DMD: variants seen among roughly 807,000 people sequenced by gnomAD.
DMD encodes the protein dystrophin, also known as mutant dystrophin.
DMD carries 63 observed loss-of-function variants against 330.1 expected under a neutral mutation model. The ratio of observed to expected loss-of-function variants is 0.19; its 90% confidence interval spans 0.16 to 0.24. The LOEUF is 0.24. Among genes scored for constraint, DMD ranks in the 10% least tolerant of loss-of-function variants. The probability of loss-of-function intolerance (pLI) is 1.00; values close to 1 mark genes in which losing one functional copy is unlikely to be tolerated. For synonymous variants in DMD, 1,223 were observed against 959.8 expected (o/e 1.27, Z -5.07); for missense variants, 3,344 against 2,684.1 (o/e 1.25, Z -5.43).
chrX:32,550,040 G>A (rs228384), intron 16 of DMD, among the ~76,000 whole-genome samples: 17,857 of 111,171 alleles, frequency 0.16, 1,307 homozygotes, highest in East Asian at 0.31. Flanking sequence ...TTGTACGAAC[G>A]CCGTGGAGTG....
intron 41 of DMD, among the ~76,000 whole-genome samples, chrX:32,315,277 T>C (rs2097579122): frequency 9.0e-6 from 1 of 110,915 alleles, no homozygotes; most frequent in Admixed American, 9.6e-5. Flanking sequence ...CTCAGCAAAC[T>C]AACACAGGAA....
intron 1 of DMD, among the ~76,000 whole-genome samples, chrX:33,108,782 C>G (rs1265134638): frequency 8.2e-5 from 8 of 98,123 alleles, no homozygotes; most frequent in East Asian, 3.5e-4. Flanking sequence ...AGGAGAATTG[C>G]TTGAACCTGG....
At chrX:32,852,457 G>A (rs762553914) in intron 2 of DMD, among the ~76,000 whole-genome samples, 1 of 111,266 alleles carries the variant, frequency 9.0e-6, no homozygotes, top group Non-Finnish European at 1.9e-5. Flanking sequence ...GTGGCCCAAT[G>A]CATTCCCAAG....
intron 62 of DMD, among the ~76,000 whole-genome samples, chrX:31,306,788 T>C (rs922607854): frequency 9.0e-6 from 1 of 111,667 alleles, no homozygotes; most frequent in Non-Finnish European, 1.9e-5. Context: ...CCACTCTTTA[T>C]AAAACTTGGT....
chrX:32,064,737 T>C (rs2096249317), intron 44 of DMD, among the ~76,000 whole-genome samples: 1 of 111,315 alleles, frequency 9.0e-6, no homozygotes, highest in Non-Finnish European at 1.9e-5. Flanking sequence ...AGTATATACA[T>C]TAGCTAACTA....
At chrX:31,256,381 T>A (rs776357050) in intron 63 of DMD, among the ~76,000 whole-genome samples, 6 of 111,910 alleles carry the variant, frequency 5.4e-5, no homozygotes, top group African/African-American at 1.9e-4. Context: ...ATTTCTTTAC[T>A]ATGTCTTGCT....
chrX:31,356,186 G>A (rs2058669991), intron 60 of DMD, among the ~76,000 whole-genome samples: 1 of 111,821 alleles, frequency 8.9e-6, no homozygotes, highest in Non-Finnish European at 1.9e-5. Flanking sequence ...ACTCTGAGTA[G>A]GAGCATAATT....
chrX:32,881,135 C>T (rs923013638), intron 2 of DMD, among the ~76,000 whole-genome samples: 6 of 112,091 alleles, frequency 5.4e-5, no homozygotes, highest in Non-Finnish European at 9.4e-5. Flanking sequence ...ACTGTAGATG[C>T]CAGTGTCAGT....
intron 7 of DMD, among the ~76,000 whole-genome samples, chrX:32,711,096 T>C (rs776262688): frequency 1.8e-5 from 2 of 112,027 alleles, no homozygotes; most frequent in South Asian, 3.7e-4. Flanking sequence ...CGTAGAATCT[T>C]ACTGCTATTT....
intron 60 of DMD, among the ~76,000 whole-genome samples, chrX:31,402,020 G>A (rs2061214707): frequency 9.0e-6 from 1 of 111,721 alleles, no homozygotes; most frequent in Non-Finnish European, 1.9e-5. Flanking sequence ...CCATTTTATA[G>A]ATGGAAAATA....
Position 31,243,696 on chromosome X carries a change from G to C in DMD, c.9286+17259C>G, listed in dbSNP as rs139702278. 2.9e-4 allele frequency among the ~76,000 whole-genome samples: 33 copies of C among 112,882 alleles called. No individual in the cohort carries two copies. The East Asian group carries it at 8.5e-3, about 29-fold the overall frequency. On this transcript the variant is annotated intron_variant, in intron 63 of 78. Coordinates refer to ENST00000357033, the MANE Select transcript of DMD (RefSeq NM_004006.3). ...CTCCATGCTGGGAAGGACATGGTTA[G>C]ATTGGCACTTTGAAGTATTATGAGT...
At chrX:31,311,290 C>T (rs1394659993) in intron 62 of DMD, among the ~76,000 whole-genome samples, 1 of 111,431 alleles carries the variant, frequency 9.0e-6, no homozygotes, top group African/African-American at 3.3e-5. Flanking sequence ...AGGACATGCA[C>T]AAATGTTGCA....
chrX:32,173,066 G>GGGGTGTGTGTGTGTGTGTGTGT (rs1246394111), intron 44 of DMD, among the ~76,000 whole-genome samples: 1 of 89,624 alleles, frequency 1.1e-5, no homozygotes, highest in African/African-American at 4.3e-5. Context: ...ACCTGATTTT[G>GGGGTGTGTGTGTGTGTGTGTGT]GTGTGTGTGT....
At chrX:31,636,471 A>G (rs1292752325) in intron 54 of DMD, among the ~76,000 whole-genome samples, 3 of 111,897 alleles carry the variant, frequency 2.7e-5, no homozygotes, top group Non-Finnish European at 5.7e-5. Flanking sequence ...CATATTTTAA[A>G]TAGCTTGATG....
chrX:32,642,518 C>A (rs1229507276), intron 11 of DMD, among the ~76,000 whole-genome samples: 3 of 111,957 alleles, frequency 2.7e-5, no homozygotes, highest in African/African-American at 9.7e-5. Flanking sequence ...ATTACACGCA[C>A]AGAAGTCTAG....
At chrX:32,666,338 C>A (rs935708588) in intron 9 of DMD, among the ~76,000 whole-genome samples, 1 of 110,576 alleles carries the variant, frequency 9.0e-6, no homozygotes, top group African/African-American at 3.3e-5. Context: ...GGTATTTATC[C>A]TAATGCTCTC....
At chrX:32,611,084 C>T (rs1569304161) in intron 12 of DMD, among the ~76,000 whole-genome samples, 1 of 110,537 alleles carries the variant, frequency 9.0e-6, no homozygotes, top group Non-Finnish European at 1.9e-5. Flanking sequence ...TAAATAAAGT[C>T]AACTCTTTGC....
At chrX:31,554,261 C>T (rs1433499901) in intron 55 of DMD, among the ~76,000 whole-genome samples, 2 of 111,733 alleles carry the variant, frequency 1.8e-5, no homozygotes, top group Non-Finnish European at 3.8e-5. Context: ...AAATTGGAAT[C>T]ATTAAAGATT....
intron 7 of DMD, among the ~76,000 whole-genome samples, chrX:32,792,988 A>T (rs1396683075): frequency 8.9e-6 from 1 of 112,334 alleles, no homozygotes; most frequent in Non-Finnish European, 1.9e-5. Context: ...CAATTCCTTC[A>T]ACAGTCATAC....
Sources: allele counts gnomAD v4.1 joint callset (sites outside exome capture counted in the v4.1 genomes callset), GRCh38; gene constraint gnomAD v4.1.1; transcripts MANE v1.5; gene names NCBI Gene and HGNC (gene_info 2026-07-23, HGNC 2026-07-21).